Variants in GRAMD1A observed in about 807,000 individuals in gnomAD.
The protein encoded by GRAMD1A is GRAM domain containing 1A, also known as protein Aster-A.
A neutral mutation model predicts 92.0 loss-of-function variants in GRAMD1A; 50 were observed. The ratio of observed to expected loss-of-function variants is 0.54; its 90% CI spans 0.43 to 0.69. GRAMD1A has a LOEUF of 0.69. Among genes scored for constraint, GRAMD1A ranks in the 30% least tolerant of loss-of-function variants. The probability of loss-of-function intolerance (pLI) is 0.00; values close to 1 mark genes in which losing one functional copy is unlikely to be tolerated. For missense variants in GRAMD1A, 819 were observed against 978.9 expected (o/e 0.84, Z 2.18); for synonymous variants, 405 against 403.6 (o/e 1.00, Z -0.04).
At position 35,011,466 on chromosome 19, in the gene GRAMD1A, C is replaced by T; in HGVS notation, c.526-8C>T. ...GCTCACACCTCTCTCTCTCTCTCTC[C>T]CTGACAGCATTTCTTCACTTCCTTT... On this transcript the variant is annotated splice_polypyrimidine_tract_variant and splice_region_variant and intron_variant, in intron 6 of 19. Transcript: ENST00000317991. The T allele has an allele frequency of 1.9e-6, 3 of 1,597,112 alleles. No homozygotes were observed. The highest frequency in any genetic ancestry group is 8.6e-7 in the Non-Finnish European group (1 of 1,168,606).
At chr19:35,017,201 C>T (rs972656374) in intron 11 of GRAMD1A, among the ~76,000 whole-genome samples, 3 of 151,820 alleles carry the variant, frequency 2.0e-5, no homozygotes, top group African/African-American at 4.8e-5. Flanking sequence ...GAGGCCTCCC[C>T]AGAAGCCGAG....
intron 16 of GRAMD1A, 98 bp downstream of exon 16, chr19:35,022,136 A>T: frequency 1.2e-6 from 1 of 812,166 alleles, no homozygotes; most frequent in Non-Finnish European, 2.0e-6. Flanking sequence ...CTCTCTGCTT[A>T]AGTGGGAGCG....
intron 10 of GRAMD1A, chr19:35,015,536 C>T (rs1380920911): frequency 8.7e-6 from 3 of 344,732 alleles, no homozygotes; most frequent in South Asian, 4.6e-5. Flanking sequence ...GGTTGATGCT[C>T]CCAGGAGGCG....
chr19:35,013,804 CAG>C lies in GRAMD1A; in HGVS notation c.870+114_870+115del, dbSNP rs1292042508. 2.2e-5 allele frequency: 23 copies of C among 1,063,246 alleles called. No individual in the cohort carries two copies. The East Asian group carries it at 3.5e-4, about 16-fold the overall frequency. The allele number at this position is 1,063,246 out of a possible 1,614,324, so 65.9% of individuals were successfully genotyped here. ...ATTTGGAGGGGAATGGATAGGGGGA[CAG>C]GGGAGGCCTGGATGGAGGAACAGGA... On this transcript the variant is annotated intron_variant, in intron 9 of 19. Transcript: ENST00000317991. This position sits in a 1 kb window ranked among gnomAD's most constrained non-coding sequence, Gnocchi z 4.9.
chr19:35,008,056 C>T lies in GRAMD1A; in HGVS notation c.9-1063C>T, dbSNP rs760872758. On this transcript the variant is annotated intron_variant, in intron 1 of 19. Transcript: ENST00000317991. The stretch of plus-strand genomic sequence containing the variant: ...AAAAATAGGAGGTATAGGCCAGGCG[C>T]GGTGGCTCACACCTGTAATCCCAGC... 5.4e-4 allele frequency among the ~76,000 whole-genome samples: 82 copies of T among 152,058 alleles called. 1 individual carries two copies. Among genetic ancestry groups the T allele is most frequent in the Admixed American group, 5.0e-3 (76 of 15,252 alleles).
At chr19:35,010,758 G>A (rs765969725) in intron 6 of GRAMD1A, 181 of 511,958 alleles carry the variant, frequency 3.5e-4, no homozygotes, top group Non-Finnish European at 4.8e-4. Flanking sequence ...AGGGGGACAG[G>A]TGTGGGGGAC....
intron 1 of GRAMD1A, among the ~76,000 whole-genome samples, chr19:35,004,887 G>A (rs941791638): frequency 6.6e-6 from 1 of 152,168 alleles, no homozygotes; most frequent in African/African-American, 2.4e-5. Flanking sequence ...AACCCTAGGA[G>A]GTGGGCACTA....
chr19:35,000,583 G>A lies in GRAMD1A; in HGVS notation c.8+97G>A, dbSNP rs2014284551. The A allele has an allele frequency of 8.4e-6, 8 of 954,684 alleles. No individual in the cohort carries two copies. The highest frequency in any genetic ancestry group is 1.7e-5 in the African/African-American group (1 of 57,870). The allele number at this position is 954,684 out of a possible 1,614,324, so 59.1% of individuals were successfully genotyped here. A position where few individuals can be genotyped will look rare whatever the true frequency, so the allele number is the denominator to read the frequency against. On this transcript the variant is annotated intron_variant, in intron 1 of 19. Coordinates refer to ENST00000317991, the MANE Select transcript of GRAMD1A (RefSeq NM_020895.5). The surrounding 1 kb of genome is among the most constrained non-coding windows in gnomAD (Gnocchi z 4.9). ...GGCTTGGGGAGGGGGCGGAGCGGCC[G>A]CTGCAGAGGTCGGGGGCCTCTGCAC... is the stretch of plus-strand genomic sequence containing the variant.
chr19:35,003,037 CTG>C (rs946592372), intron 1 of GRAMD1A, among the ~76,000 whole-genome samples: 22 of 150,476 alleles, frequency 1.5e-4, no homozygotes, highest in African/African-American at 4.9e-4. Flanking sequence ...TGCCATGTGA[CTG>C]TAGCAGACTA....
rs374376553 is a variant in GRAMD1A, at chr19:35,009,979, C to T, written c.325+7C>T. On this transcript the variant is annotated splice_region_variant and intron_variant, in intron 4 of 19. Transcript: ENST00000317991. ...GCAGAACGCCTCATTGTGGGTGAGT[C>T]CCGGACCCCCAGTCCCAGCTCCTAG... 4.8e-5 allele frequency: 76 copies of T among 1,599,698 alleles called. No homozygotes were observed. Among genetic ancestry groups the T allele is most frequent in the Non-Finnish European group, 6.2e-5 (72 of 1,166,864 alleles).
upstream of GRAMD1A, among the ~76,000 whole-genome samples, chr19:34,995,574 T>TTTTTTG (rs1479655030): frequency 1.2e-3 from 149 of 127,712 alleles, 9 homozygotes; most frequent in African/African-American, 3.9e-3. Flanking sequence ...ATCACGGGTT[T>TTTTTTG]TTTTTTTTTT....
At chr19:35,002,317 A>G (rs1197277631) in intron 1 of GRAMD1A, 1 of 152,344 alleles carries the variant, frequency 6.6e-6, no homozygotes, top group African/African-American at 2.4e-5. Context: ...ATTATTCCCA[A>G]GTCCTGCTTG....
upstream of GRAMD1A, among the ~76,000 whole-genome samples, chr19:34,995,546 G>C (rs60249201): frequency 6.6e-3 from 909 of 138,172 alleles, 17 homozygotes; most frequent in African/African-American, 0.024. Context: ...ATCCCACCCA[G>C]ATCTCTCTGA....
At chr19:35,009,368 G>C (rs1340812576) in intron 2 of GRAMD1A, 39 bp downstream of exon 2, 2 of 1,613,276 alleles carry the variant, frequency 1.2e-6, no homozygotes, top group Non-Finnish European at 1.7e-6. Flanking sequence ...GAGGGCTAGT[G>C]GGGGCTGGCC....
rs372868357 is a variant in GRAMD1A, at chr19:35,021,553, G to A, written c.1527G>A (p.Ser509=). 22 of 1,613,996 alleles carry A rather than the reference G, an allele frequency of 1.4e-5. No individual in the cohort carries two copies. The highest frequency in any genetic ancestry group is 1.9e-5 in the Non-Finnish European group (22 of 1,179,968). ...YRKQPWSLVK[S]LIEKNSWSGI... ...AGCAGCCGTGGAGCCTGGTGAAGTC[G>A]CTCATTGAGAAGAACTCGTGGAGCG... is the stretch of plus-strand genomic sequence containing the variant. Residue 509 remains serine (S), a synonymous_variant, in exon 14 of 20, where the codon TCG becomes TCA. Transcript: ENST00000317991. The surrounding 1 kb of genome is among the most constrained non-coding windows in gnomAD (Gnocchi z 5.3).
chr19:35,003,400 C>T (rs1289921282), intron 1 of GRAMD1A, among the ~76,000 whole-genome samples: 1 of 152,114 alleles, frequency 6.6e-6, no homozygotes, highest in Non-Finnish European at 1.5e-5. Flanking sequence ...CGAGTCTCCT[C>T]GCCCCTATAA....
chr19:35,003,571 G>A (rs773747554), intron 1 of GRAMD1A, among the ~76,000 whole-genome samples: 2 of 152,188 alleles, frequency 1.3e-5, no homozygotes, highest in African/African-American at 4.8e-5. Context: ...TCAGGATTCC[G>A]GCCCCCAGGC....
chr19:35,023,619 G>C (rs944694974), intron 19 of GRAMD1A, 72 bp downstream of exon 19: 2 of 1,403,250 alleles, frequency 1.4e-6, no homozygotes, highest in African/African-American at 2.9e-5. Context: ...CCCACCGTGC[G>C]GCAGGCACTT....
chr19:35,025,984 G>T (rs2016404789), intron 19 of GRAMD1A, 65 bp from the exon 20 acceptor site: 3 of 830,482 alleles, frequency 3.6e-6, no homozygotes, highest in South Asian at 2.7e-5. Context: ...GCAAGGTGGG[G>T]GTGGGCGACA....
Sources: allele counts gnomAD v4.1 joint callset (sites outside exome capture counted in the v4.1 genomes callset), GRCh38; gene constraint gnomAD v4.1.1; non-coding constraint Gnocchi (gnomAD v3.1); transcripts MANE v1.5; gene names NCBI Gene and HGNC (gene_info 2026-07-23, HGNC 2026-07-21).